The following DSP variants were observed in gnomAD, a reference collection of about 807,000 sequenced individuals.
The protein encoded by DSP is 250/210 kDa paraneoplastic pemphigus antigen.
A neutral mutation model predicts 290.6 loss-of-function variants in DSP; 114 were observed. The observed-to-expected ratio is 0.39, with a 90% CI of 0.34 to 0.46. The LOEUF is 0.46. Ranked by LOEUF, DSP falls within the 20% of genes least tolerant of loss-of-function variation. DSP has a pLI of 0.99. For missense variants in DSP, 3,230 were observed against 3,495.8 expected (o/e 0.92, Z 1.92); for synonymous variants, 1,311 against 1,316.4 (o/e 1.00, Z 0.09).
Position 7,583,816 on chromosome 6 carries a change from A to C in DSP, c.6554A>C (p.Gln2185Pro). 1.9e-6 allele frequency: 3 copies of C among 1,614,194 alleles called. No homozygotes were observed. The highest frequency in any genetic ancestry group is 2.5e-6 in the Non-Finnish European group (3 of 1,180,024). ...ACCAAAAAGAAGGTCAGTTACGTGC[A>C]GCTGAAGGAACGGTGCAGAATCGAA... The part of the protein sequence containing the change: ...PVTKKKVSYV[Q>P]LKERCRIEPH... The change falls in exon 24 of 24, where the codon CAG becomes CCG. Residue 2185 changes from glutamine to proline, a missense_variant. By Grantham distance (76) the Gln-to-Pro change is moderately conservative. Around this residue, in one of 5 missense-constraint regions of DSP, gnomAD observed 1,714 missense variants for 1,844.5 expected, o/e 0.93. Coordinates refer to ENST00000379802, the MANE Select transcript of DSP (RefSeq NM_004415.4). The surrounding 1 kb of genome is among the most constrained non-coding windows in gnomAD (Gnocchi z 4.0).
chr6:7,576,474 G>A lies in DSP; in HGVS notation c.2793+18G>A, dbSNP rs1405091650. The A allele has an allele frequency of 1.9e-6, 3 of 1,613,932 alleles. No homozygotes were observed. The South Asian group carries it at 3.3e-5, about 18-fold the overall frequency. Reference sequence around the variant, plus strand: ...AGCAGAAGGTATAAGCCAACTTTTTGTTCCATAGCTGTTTTGAGATTAATT... The same window carrying A: ...AGCAGAAGGTATAAGCCAACTTTTTATTCCATAGCTGTTTTGAGATTAATT... On this transcript the variant is annotated intron_variant, in intron 19 of 23. Coordinates refer to ENST00000379802, the MANE Select transcript of DSP (RefSeq NM_004415.4).
intron 3 of DSP, 140 bp downstream of exon 3, chr6:7,558,404 T>A: frequency 8.1e-7 from 1 of 1,233,722 alleles, no homozygotes; most frequent in Middle Eastern, 2.7e-4. Context: ...ACTTGGTATT[T>A]TGCAACTTTA....
chr6:7,576,282 A>AT lies in DSP; in HGVS notation c.2631-9dup. 1 of 1,613,094 alleles carries AT rather than the reference A, an allele frequency of 6.2e-7. No individual in the cohort carries two copies. The highest frequency in any genetic ancestry group is 8.5e-7 in the Non-Finnish European group (1 of 1,179,146). Reference sequence around the variant, plus strand: ...ATAAGATAATGATTTTATTGTATCTATTTCCCCCCAGGTTATGGGACCTGG... The same window carrying AT: ...ATAAGATAATGATTTTATTGTATCTATTTTCCCCCCAGGTTATGGGACCTGG... On this transcript the variant is annotated splice_polypyrimidine_tract_variant and intron_variant, in intron 18 of 23. Transcript: ENST00000379802.
intron 15 of DSP, among the ~76,000 whole-genome samples, chr6:7,573,161 T>C (rs899431197): frequency 5.9e-5 from 9 of 152,032 alleles, no homozygotes; most frequent in African/African-American, 2.2e-4. Context: ...TATGTACATA[T>C]GTGTGTGTGT....
In DSP at chr6:7,565,656, A is replaced by G. The variant is rs1758841504; in HGVS notation, c.939+136A>G. On this transcript the variant is annotated intron_variant, in intron 7 of 23. Coordinates refer to ENST00000379802, the MANE Select transcript of DSP (RefSeq NM_004415.4). The surrounding 1 kb of genome is among the most constrained non-coding windows in gnomAD (Gnocchi z 4.2). ...TCAGCCTTCTTTGAAATGGTCGTGAAAAATCCTTCCTTCCTGAAAACTTCT... is the reference window on the plus strand; with the variant it reads ...TCAGCCTTCTTTGAAATGGTCGTGAGAAATCCTTCCTTCCTGAAAACTTCT... The G allele has an allele frequency of 9.0e-6, 11 of 1,223,450 alleles. No homozygotes were observed. Among genetic ancestry groups the G allele is most frequent in the South Asian group, 1.3e-5 (1 of 76,292 alleles). The allele number at this position is 1,223,450 out of a possible 1,614,324, so 75.8% of individuals were successfully genotyped here. A position where few individuals can be genotyped will look rare whatever the true frequency, so the allele number is the denominator to read the frequency against.
chr6:7,559,173 G>T, intron 3 of DSP, 53 bp from the exon 4 acceptor site: 1 of 1,601,858 alleles, frequency 6.2e-7, no homozygotes, highest in South Asian at 1.1e-5. Context: ...TGCCCAGAAC[G>T]GGTTTTCATA....
intron 1 of DSP, among the ~76,000 whole-genome samples, chr6:7,554,082 A>AACAAACACACACAC (rs1554105403): frequency 8.6e-6 from 1 of 115,898 alleles, no homozygotes; most frequent in African/African-American, 3.7e-5. Flanking sequence ...CTTTCTTTAA[A>AACAAACACACACAC]ACACACACAC....
intron 2 of DSP, among the ~76,000 whole-genome samples, chr6:7,556,304 A>G (rs1294747751): frequency 1.3e-5 from 2 of 152,202 alleles, no homozygotes; most frequent in Non-Finnish European, 2.9e-5. Context: ...GAGAAATGGT[A>G]ACATTTCTGA....
At chr6:7,570,199 GACA>G (rs911781376) in intron 12 of DSP, among the ~76,000 whole-genome samples, 12 of 152,140 alleles carry the variant, frequency 7.9e-5, no homozygotes, top group African/African-American at 2.9e-4. Context: ...CGAAAAACAA[GACA>G]ACAACAAAAA....
chr6:7,558,601 A>C (rs1758577643), intron 3 of DSP, among the ~76,000 whole-genome samples: 2 of 148,898 alleles, frequency 1.3e-5, no homozygotes, highest in Non-Finnish European at 3.0e-5. Context: ...CGCAGCCTCA[A>C]CCTCCTGGGC....
chr6:7,585,977 G>C lies in DSP; in HGVS notation c.*99G>C, dbSNP rs1759661187. The C allele has an allele frequency of 8.2e-7, 1 of 1,215,040 alleles. No homozygotes were observed. Among genetic ancestry groups the C allele is most frequent in the Admixed American group, 1.8e-5 (1 of 55,680 alleles). 75.3% of individuals were successfully genotyped at this position (1,215,040 alleles called of 1,614,324 possible). A position where few individuals can be genotyped will look rare whatever the true frequency, so the allele number is the denominator to read the frequency against. ...AAAATCCCGGTGCTTGCAGTAGAGTGATAGGACATTCTATGCTTACAGAAA... is the reference window on the plus strand; with the variant it reads ...AAAATCCCGGTGCTTGCAGTAGAGTCATAGGACATTCTATGCTTACAGAAA... On this transcript the variant is annotated 3_prime_UTR_variant, in exon 24 of 24. Coordinates refer to ENST00000379802, the MANE Select transcript of DSP (RefSeq NM_004415.4).
At chr6:7,544,731 CAG>C (rs922188825) in intron 1 of DSP, among the ~76,000 whole-genome samples, 4 of 152,146 alleles carry the variant, frequency 2.6e-5, no homozygotes, top group African/African-American at 9.7e-5. Flanking sequence ...TTTCCACGAA[CAG>C]CACTTACCCG....
chr6:7,582,977 G>C lies in DSP; in HGVS notation c.5715G>C (p.Glu1905Asp). Residue 1905 changes from glutamate (E) to aspartate (D), a missense_variant, in exon 24 of 24, where the codon GAG (glutamate) becomes GAC (aspartate). Glu to Asp is a conservative substitution (Grantham distance 45). Transcript: ENST00000379802. This position sits in a 1 kb window ranked among gnomAD's most constrained non-coding sequence, Gnocchi z 4.2. ...LRSEIERLQA[E>D]IKRIEERCRR... ...GTGAGATCGAAAGACTCCAAGCAGA[G>C]ATCAAGAGAATTGAAGAGAGGTGCA... 1 of 1,614,100 alleles carries C rather than the reference G, an allele frequency of 6.2e-7. No individual in the cohort carries two copies. Among genetic ancestry groups the C allele is most frequent in the African/African-American group, 1.3e-5 (1 of 75,024 alleles).
intron 1 of DSP, among the ~76,000 whole-genome samples, chr6:7,550,557 C>T (rs1758308625): frequency 6.6e-6 from 1 of 151,306 alleles, no homozygotes; most frequent in Admixed American, 6.6e-5. Context: ...TCTTTTTAAC[C>T]ACCGATGAAG....
At chr6:7,548,762 A>G (rs1394416462) in intron 1 of DSP, among the ~76,000 whole-genome samples, 1 of 152,104 alleles carries the variant, frequency 6.6e-6, no homozygotes, top group Non-Finnish European at 1.5e-5. Flanking sequence ...TGGAGTGGGA[A>G]TGGGGAGGGG....
chr6:7,576,264 A>G, intron 18 of DSP, 30 bp from the exon 19 acceptor site: 1 of 1,609,716 alleles, frequency 6.2e-7, no homozygotes, highest in Non-Finnish European at 8.5e-7. Context: ...CTAATAAGAT[A>G]ATGATTTTAT....
At chr6:7,559,885 T>C (rs1758626861) in intron 4 of DSP, among the ~76,000 whole-genome samples, 1 of 152,252 alleles carries the variant, frequency 6.6e-6, no homozygotes, top group South Asian at 2.1e-4. Context: ...TGGTTTAGGC[T>C]CATTGGTTGC....
rs34884895 is a variant in DSP at position 7,585,562 on chromosome 6, C to T, written c.8300C>T (p.Thr2767Ile). Residue 2767 changes from threonine (T) to isoleucine (I), a missense_variant, in exon 24 of 24, where the codon ACC becomes ATC. Transcript: ENST00000379802. ...CGCGCCGCACAGAGGCTGCAAGACA[C>T]CAGCAGCTATGCCAAAATCCTGACC... ...DGRAAQRLQD[T>I]SSYAKILTCP... is the part of the protein sequence containing the mutation. 3.1e-6 allele frequency: 5 copies of T among 1,614,108 alleles called. No individual in the cohort carries two copies. The highest frequency in any genetic ancestry group is 1.1e-5 in the South Asian group (1 of 91,076).
Position 7,574,730 on chromosome 6 carries a change from C to T in DSP, c.2371C>T (p.Leu791Phe), listed in dbSNP as rs1330499316. ...EDMLKVYEAR[L>F]TEEETVCLDL... ...CATGTTAAAGGTTTATGAAGCCAGG[C>T]TCACTGAGGAGGAAACTGTCTGCCT... The change falls in exon 17 of 24, where the codon CTC (leucine) becomes TTC (phenylalanine). Residue 791 changes from leucine (L) to phenylalanine (F), a missense_variant. Physicochemically the swap from Leu to Phe is conservative, Grantham distance 22. Coordinates refer to ENST00000379802, the MANE Select transcript of DSP (RefSeq NM_004415.4). 6.2e-7 allele frequency: 1 copy of T among 1,614,040 alleles called. No individual in the cohort carries two copies. The highest frequency in any genetic ancestry group is 1.3e-5 in the African/African-American group (1 of 74,920).
Sources: gnomAD v4.1 joint callset for allele counts (sites outside exome capture counted in the v4.1 genomes callset) on GRCh38, gnomAD v4.1.1 for gene constraint, gnomAD v4.1.1 regional missense constraint, Gnocchi (gnomAD v3.1) non-coding constraint, MANE v1.5 for transcripts, NCBI Gene and HGNC (gene_info 2026-07-23, HGNC 2026-07-21) for gene names.